Variants in TENM3 observed in about 807,000 individuals in gnomAD.
TENM3 encodes teneurin-3.
Under a neutral mutation model 255.1 loss-of-function variants are expected in TENM3, and 63 were observed. The observed-to-expected ratio is 0.25, with a 90% confidence interval of 0.20 to 0.30. TENM3 has a LOEUF of 0.30. Among genes scored for constraint, TENM3 ranks in the 10% least tolerant of loss-of-function variants. The pLI, the probability that TENM3 is intolerant of heterozygous loss-of-function variation, is 1.00. For synonymous variants in TENM3, 1,306 were observed against 1,322.3 expected (o/e 0.99, Z 0.27); for missense variants, 2,929 against 3,461.1 (o/e 0.85, Z 3.86).
At chr4:182,081,933 T>C in the TENM3 span, 2 of 152,150 alleles carry the variant, frequency 1.3e-5, no homozygotes, top group Non-Finnish European at 2.9e-5. Context: ...AGGATGGTAA[T>C]TGATGATACC....
the TENM3 span, among the ~76,000 whole-genome samples, chr4:181,537,459 A>G: frequency 5.3e-5 from 8 of 152,314 alleles, no homozygotes; most frequent in South Asian, 1.7e-3. Flanking sequence ...ATTCAAACTC[A>G]TTGAAATAAG....
the TENM3 span, among the ~76,000 whole-genome samples, chr4:181,646,807 T>C: frequency 6.6e-6 from 1 of 152,132 alleles, no homozygotes; most frequent in Non-Finnish European, 1.5e-5. Context: ...TATAATGCTT[T>C]ATGAATTTTC....
intron 1 of TENM3, among the ~76,000 whole-genome samples, chr4:182,172,402 A>C (rs1377983190): frequency 6.6e-6 from 1 of 152,140 alleles, no homozygotes. Flanking sequence ...TTCATGAAAG[A>C]TGAAGTTGGT....
chr4:181,994,554 G>GGTT, the TENM3 span, among the ~76,000 whole-genome samples: 39 of 128,386 alleles, frequency 3.0e-4, no homozygotes, highest in African/African-American at 1.1e-3. Flanking sequence ...TTTTTTGTGG[G>GGTT]TTTTTTTTTT....
the TENM3 span, among the ~76,000 whole-genome samples, chr4:182,060,340 C>T: frequency 8.5e-5 from 13 of 152,264 alleles, no homozygotes; most frequent in East Asian, 1.9e-4. Context: ...GGATGGCAGA[C>T]GCTGGTGGAT....
chr4:181,783,254 C>A, the TENM3 span, among the ~76,000 whole-genome samples: 1 of 152,070 alleles, frequency 6.6e-6, no homozygotes, highest in African/African-American at 2.4e-5. Context: ...GTGTGGGAGT[C>A]TAAGTCTCTT....
At chr4:182,036,096 C>T in the TENM3 span, among the ~76,000 whole-genome samples, 1 of 152,190 alleles carries the variant, frequency 6.6e-6, no homozygotes, top group Admixed American at 6.5e-5. Context: ...AGAAATGCCA[C>T]TTCCTCAAGG....
At chr4:181,636,295 G>A in the TENM3 span, among the ~76,000 whole-genome samples, 12 of 152,136 alleles carry the variant, frequency 7.9e-5, no homozygotes, top group Middle Eastern at 3.4e-3. Flanking sequence ...CACCCGCCTC[G>A]GCCTCCCAAA....
At chr4:182,031,515 A>G in the TENM3 span, among the ~76,000 whole-genome samples, 1 of 152,102 alleles carries the variant, frequency 6.6e-6, no homozygotes, top group African/African-American at 2.4e-5. Flanking sequence ...CTTTTTGCTC[A>G]AGATTGTCTT....
At chr4:182,180,479 G>A (rs764772282) in intron 1 of TENM3, among the ~76,000 whole-genome samples, 18 of 152,052 alleles carry the variant, frequency 1.2e-4, no homozygotes, top group Non-Finnish European at 1.9e-4. Context: ...AGCATCTGGT[G>A]ATGTTATATA....
chr4:181,884,168 C>T, the TENM3 span, among the ~76,000 whole-genome samples: 1 of 152,074 alleles, frequency 6.6e-6, no homozygotes, highest in Admixed American at 6.6e-5. Context: ...CCCAGAAAAC[C>T]AGTTTATGTG....
the TENM3 span, among the ~76,000 whole-genome samples, chr4:181,959,701 T>A: frequency 6.6e-6 from 1 of 152,198 alleles, no homozygotes; most frequent in Non-Finnish European, 1.5e-5. Flanking sequence ...AAACATTAAT[T>A]CATATTACAG....
At chr4:181,562,895 G>A in the TENM3 span, among the ~76,000 whole-genome samples, 28,318 of 151,956 alleles carry the variant, frequency 0.19, 2,822 homozygotes, top group Non-Finnish European at 0.23. Flanking sequence ...GGCTGGTCTC[G>A]AATTTCTGAC....
chr4:182,670,613 C>T (rs763741608), intron 6 of TENM3, among the ~76,000 whole-genome samples: 2 of 152,126 alleles, frequency 1.3e-5, no homozygotes, highest in Admixed American at 1.3e-4. Context: ...ACTGATGGTA[C>T]GTGTGTCATG....
chr4:181,789,090 G>A, the TENM3 span, among the ~76,000 whole-genome samples: 10 of 152,214 alleles, frequency 6.6e-5, no homozygotes, highest in East Asian at 7.7e-4. Flanking sequence ...GCTAGCCACT[G>A]CACTAAGACG....
At chr4:182,321,465 A>C (rs1298983171) in intron 1 of TENM3, among the ~76,000 whole-genome samples, 1 of 151,998 alleles carries the variant, frequency 6.6e-6, no homozygotes, top group African/African-American at 2.4e-5. Context: ...GTCTCCACTA[A>C]AAATACAAAA....
chr4:182,571,491 A>G (rs1022060028), intron 3 of TENM3, among the ~76,000 whole-genome samples: 14 of 152,200 alleles, frequency 9.2e-5, no homozygotes, highest in African/African-American at 3.1e-4. Context: ...GCACCACTCT[A>G]TTCCCACCTG....
the TENM3 span, among the ~76,000 whole-genome samples, chr4:182,009,256 C>T: frequency 6.6e-6 from 1 of 152,112 alleles, no homozygotes; most frequent in African/African-American, 2.4e-5. Flanking sequence ...AGCACTTTGT[C>T]CCTTGGTGGA....
intron 1 of TENM3, among the ~76,000 whole-genome samples, chr4:182,256,436 A>G (rs1188679700): frequency 2.0e-5 from 3 of 152,258 alleles, no homozygotes; most frequent in Non-Finnish European, 4.4e-5. Context: ...CTGACTATAT[A>G]TATAAGCAGT....
Sources: allele counts gnomAD v4.1 joint callset (sites outside exome capture counted in the v4.1 genomes callset), GRCh38; gene constraint gnomAD v4.1.1; transcripts MANE v1.5; gene names NCBI Gene and HGNC (gene_info 2026-07-23, HGNC 2026-07-21).